Variants in SCAMP4 observed in about 807,000 individuals in gnomAD.
SCAMP4 encodes secretory carrier-associated membrane protein 4.
In SCAMP4, 19 loss-of-function variants were observed where a neutral mutation model predicts 32.1. That is an observed-to-expected ratio of 0.59 (90% CI 0.41 to 0.87). The LOEUF (loss-of-function observed/expected upper bound fraction) is 0.87, where lower values mean the gene tolerates loss of function less well. Among genes scored for constraint, SCAMP4 ranks in the 40% least tolerant of loss-of-function variants. SCAMP4 has a pLI of 0.00. For synonymous variants in SCAMP4, 152 were observed against 132.7 expected (o/e 1.15, Z -1.00); for missense variants, 302 against 309.0 (o/e 0.98, Z 0.17).
intron 5 of SCAMP4, chr19:1,922,756 G>C (rs1009833444): frequency 9.7e-7 from 1 of 1,035,308 alleles, no homozygotes; most frequent in Non-Finnish European, 1.2e-6. Flanking sequence ...GGAAGCACTG[G>C]TCTCCATTCC....
chr19:1,916,393 C>T (rs8109179), intron 2 of SCAMP4, among the ~76,000 whole-genome samples: 30,474 of 151,996 alleles, frequency 0.2, 3,851 homozygotes, highest in African/African-American at 0.33. Context: ...GCAGAGGGAG[C>T]GCGTTCCTGA....
chr19:1,915,156 C>T (rs1033680971), intron 2 of SCAMP4, 130 bp downstream of exon 2: 12 of 1,085,364 alleles, frequency 1.1e-5, no homozygotes, highest in South Asian at 5.2e-5. Flanking sequence ...TCTGACTCCT[C>T]GGGTCCCGTA....
chr19:1,920,504 G>A lies in SCAMP4; in HGVS notation c.395+1514G>A. ...GGGATCTGTGGTTTGTGCACCCCTC[G>A]GATGTGCCGCTGAAGCTGGTCTGTC... On this transcript the variant is annotated intron_variant, in intron 5 of 6. Transcript: ENST00000316097. The A allele has an allele frequency of 7.6e-6, 6 of 785,120 alleles. No homozygotes were observed. The South Asian group carries it at 1.7e-4, about 23-fold the overall frequency. 48.6% of individuals were successfully genotyped at this position (785,120 alleles called of 1,614,324 possible).
At chr19:1,920,253 C>T (rs1283250005) in intron 5 of SCAMP4, 3 of 985,356 alleles carry the variant, frequency 3.0e-6, no homozygotes, top group South Asian at 4.7e-5. Context: ...TGACGCTGCT[C>T]ACGGAGCCGT....
chr19:1,917,865 G>T, intron 3 of SCAMP4, 43 bp downstream of exon 3: 8 of 1,610,040 alleles, frequency 5.0e-6, no homozygotes, highest in South Asian at 1.1e-5. Flanking sequence ...GGGAGGCAGG[G>T]CTCCCCGAGG....
Position 1,918,961 on chromosome 19 carries a change from G to A in SCAMP4, c.366G>A (p.Gln122=). 1 of 1,612,074 alleles carries A rather than the reference G, an allele frequency of 6.2e-7. No individual in the cohort carries two copies. The highest frequency in any genetic ancestry group is 1.1e-5 in the South Asian group (1 of 90,514). Residue 122 remains glutamine, a synonymous_variant, in exon 5 of 7, where the codon CAG becomes CAA. Transcript: ENST00000316097. ...CCCAGTTTGTCCTGACCGTCATCCA[G>A]GCGATTGGCTTCTCCGGCTGGGGCG... The part of the protein sequence containing the change: ...FGAQFVLTVI[Q]AIGFSGWGAC...
chr19:1,915,031 G>A lies in SCAMP4; in HGVS notation c.7+5G>A. On this transcript the variant is annotated splice_donor_5th_base_variant and intron_variant, in intron 2 of 6. Coordinates refer to ENST00000316097, the MANE Select transcript of SCAMP4 (RefSeq NM_079834.4). The stretch of plus-strand genomic sequence containing the variant: ...TTGGTGAAACAGAGATGTCAGGTGA[G>A]TCCTGCCTGCCTGGGAGCCTCCAGC... 6.2e-7 allele frequency: 1 copy of A among 1,613,826 alleles called. No homozygotes were observed. Among genetic ancestry groups the A allele is most frequent in the Non-Finnish European group, 8.5e-7 (1 of 1,179,814 alleles).
intron 4 of SCAMP4, 109 bp from the exon 5 acceptor site, chr19:1,918,780 A>C: frequency 6.9e-7 from 1 of 1,449,610 alleles, no homozygotes; most frequent in Non-Finnish European, 9.1e-7. Flanking sequence ...AAAAAAAGGA[A>C]TAAAATAGAG....
intron 1 of SCAMP4, among the ~76,000 whole-genome samples, chr19:1,910,575 C>CT (rs11350651): frequency 0.021 from 2,012 of 95,036 alleles, 62 homozygotes; most frequent in African/African-American, 0.063. Flanking sequence ...TTTGAGGTGT[C>CT]TTTTTTTTTT....
chr19:1,922,984 CT>C, intron 5 of SCAMP4, 85 bp from the exon 6 acceptor site: 2 of 1,424,220 alleles, frequency 1.4e-6, no homozygotes, highest in African/African-American at 1.4e-5. Flanking sequence ...GGCCAGAGCT[CT>C]TTACATGGGG....
intron 5 of SCAMP4, chr19:1,920,451 G>A (rs761085510): frequency 3.2e-6 from 2 of 620,462 alleles, no homozygotes; most frequent in Non-Finnish European, 2.0e-6. Context: ...CTGCACCTGC[G>A]CCTGGCGCCA....
At position 1,908,695 on chromosome 19, in the gene SCAMP4, C is replaced by G. The variant is rs4806818; in HGVS notation, c.-42+3256C>G. 8 of 409,196 alleles carry G rather than the reference C, an allele frequency of 2.0e-5. No homozygotes were observed. Among genetic ancestry groups the G allele is most frequent in the Non-Finnish European group, 2.9e-5 (6 of 205,420 alleles). The allele number at this position is 409,196 out of a possible 1,614,324, so 25.3% of individuals were successfully genotyped here. ...TTATTTGAAAAAAGGAACAGGGTCT[C>G]TCTATCTTGCCCACGTTGGTCTCAA... On this transcript the variant is annotated intron_variant, in intron 1 of 6. Coordinates refer to ENST00000316097, the MANE Select transcript of SCAMP4 (RefSeq NM_079834.4). This position sits in a 1 kb window ranked among gnomAD's most constrained non-coding sequence, Gnocchi z 4.2.
At chr19:1,907,727 G>A (rs540470672) in intron 1 of SCAMP4, among the ~76,000 whole-genome samples, 1 of 152,268 alleles carries the variant, frequency 6.6e-6, no homozygotes, top group South Asian at 2.1e-4. Context: ...CCTGGGACCT[G>A]GGCTGCCTGC....
chr19:1,920,786 C>T (rs1474689154), intron 5 of SCAMP4: 1 of 985,438 alleles, frequency 1.0e-6, no homozygotes, highest in Non-Finnish European at 1.2e-6. Flanking sequence ...GTCCCCAGCT[C>T]TCCCAGGCTG....
chr19:1,921,853 A>G, intron 5 of SCAMP4: 1 of 985,190 alleles, frequency 1.0e-6, no homozygotes, highest in Non-Finnish European at 1.2e-6. Context: ...CCCAAAGACC[A>G]TGCAGCCTGT....
rs757415775 is a variant in SCAMP4 at position 1,919,006 on chromosome 19, A to G, written c.395+16A>G. ...GGGGCGCGTGGTAAGCCTCTCTCTG[A>G]TGGGCGTGGTGGCTGTGATGTGGCT... is the stretch of plus-strand genomic sequence containing the variant. On this transcript the variant is annotated intron_variant, in intron 5 of 6. Transcript: ENST00000316097. 10 of 1,592,114 alleles carry G rather than the reference A, an allele frequency of 6.3e-6. No individual in the cohort carries two copies. The highest frequency in any genetic ancestry group is 6.8e-6 in the Non-Finnish European group (8 of 1,169,218).
rs114371991 is a variant in SCAMP4, at chr19:1,921,925, C to T, written c.396-1145C>T. 1.6e-3 allele frequency: 1,620 copies of T among 985,466 alleles called. 22 individuals are homozygous for T. In the African/African-American group the frequency reaches 0.026, roughly 16 times the overall value. 61.0% of individuals were successfully genotyped at this position (985,466 alleles called of 1,614,324 possible). ...AGGCCAGCATCTTGCAGGGACGCGGCGGGGGGTACCGCGTGTGCGTGCATA... is the reference window on the plus strand; with the variant it reads ...AGGCCAGCATCTTGCAGGGACGCGGTGGGGGGTACCGCGTGTGCGTGCATA... On this transcript the variant is annotated intron_variant, in intron 5 of 6. Coordinates refer to ENST00000316097, the MANE Select transcript of SCAMP4 (RefSeq NM_079834.4).
intron 4 of SCAMP4, chr19:1,918,532 C>A (rs1220558518): frequency 5.6e-6 from 3 of 533,508 alleles, no homozygotes. Context: ...GAGGCCGAGG[C>A]AGGCGGATCA....
chr19:1,912,904 C>T (rs1370216374), intron 1 of SCAMP4: 1 of 1,608,836 alleles, frequency 6.2e-7, no homozygotes, highest in Non-Finnish European at 8.5e-7. Flanking sequence ...AAACTGGACG[C>T]AGACGAGGAC....
Sources: allele counts gnomAD v4.1 joint callset (sites outside exome capture counted in the v4.1 genomes callset), GRCh38; gene constraint gnomAD v4.1.1; non-coding constraint Gnocchi (gnomAD v3.1); transcripts MANE v1.5; gene names NCBI Gene and HGNC (gene_info 2026-07-23, HGNC 2026-07-21).